Variants in GOLM2 observed in about 807,000 individuals in gnomAD.
GOLM2 encodes protein GOLM2.
GOLM2 carries 26 observed loss-of-function variants against 55.9 expected under a neutral mutation model. The ratio of observed to expected loss-of-function variants is 0.47; its 90% CI spans 0.34 to 0.65. The LOEUF (loss-of-function observed/expected upper bound fraction) is 0.65. Among genes scored for constraint, GOLM2 ranks in the 30% least tolerant of loss-of-function variants. The pLI is 0.01. For synonymous variants in GOLM2, 165 were observed against 194.6 expected, an observed-to-expected ratio of 0.85 and a Z score of 1.27; for missense variants, 486 against 531.8, an observed-to-expected ratio of 0.91 and a Z score of 0.85.
rs572186482 is a variant in GOLM2 at position 44,358,062 on chromosome 15, T to C, written c.802+19745T>C. Among the ~76,000 whole-genome samples, 4 of 152,252 alleles carry C rather than the reference T, an allele frequency of 2.6e-5. No individual in the cohort carries two copies. In the South Asian group the frequency reaches 6.2e-4, roughly 24 times the overall value. ...TGACAAACTGATTCCAAAGTTTATATAGAGAGGCATGCCAGGCACCATGGC... is the reference window on the plus strand; with the variant it reads ...TGACAAACTGATTCCAAAGTTTATACAGAGAGGCATGCCAGGCACCATGGC... On this transcript the variant is annotated intron_variant, in intron 6 of 9. Transcript: ENST00000299957.
At chr15:44,379,207 C>T (rs1450788463) in intron 6 of GOLM2, among the ~76,000 whole-genome samples, 2 of 152,042 alleles carry the variant, frequency 1.3e-5, no homozygotes, top group South Asian at 4.1e-4. Flanking sequence ...CCGGGCGCGG[C>T]GGCTCACACC....
chr15:44,361,967 G>A (rs2079243529), intron 6 of GOLM2, among the ~76,000 whole-genome samples: 1 of 152,194 alleles, frequency 6.6e-6, no homozygotes, highest in African/African-American at 2.4e-5. Context: ...GATAGATGCA[G>A]AAAAGGCCTT....
At chr15:44,374,878 A>T (rs1039549797) in intron 6 of GOLM2, among the ~76,000 whole-genome samples, 4 of 152,174 alleles carry the variant, frequency 2.6e-5, no homozygotes, top group African/African-American at 9.7e-5. Flanking sequence ...GCTAAACCAT[A>T]TCAGCAGCCT....
intron 2 of GOLM2, among the ~76,000 whole-genome samples, chr15:44,328,477 C>CAAAT (rs1323072029): frequency 6.6e-6 from 1 of 151,924 alleles, no homozygotes; most frequent in Non-Finnish European, 1.5e-5. Flanking sequence ...GACCCTATCT[C>CAAAT]AAATAAATAA....
chr15:44,334,598 A>AT (rs1357381548), intron 4 of GOLM2, among the ~76,000 whole-genome samples: 1 of 152,230 alleles, frequency 6.6e-6, no homozygotes, highest in Non-Finnish European at 1.5e-5. Flanking sequence ...ACTTGGGAAA[A>AT]TTATAAGAAA....
At chr15:44,330,153 A>G (rs1175337793) in intron 3 of GOLM2, among the ~76,000 whole-genome samples, 5 of 121,456 alleles carry the variant, frequency 4.1e-5, no homozygotes, top group Non-Finnish European at 5.0e-5. Flanking sequence ...CTCGTGATCC[A>G]CCCGCCTCGG....
rs1262927309 is a variant in GOLM2 at position 44,413,882 on chromosome 15, C to T, written c.*476C>T. ...CTGGAGTGCAATGGCACAATCTTGGCTCACTGCAACCTCCGCCTCCTGGGT... is the reference window on the plus strand; with the variant it reads ...CTGGAGTGCAATGGCACAATCTTGGTTCACTGCAACCTCCGCCTCCTGGGT... On this transcript the variant is annotated 3_prime_UTR_variant, in exon 10 of 10. Coordinates refer to ENST00000299957, the MANE Select transcript of GOLM2 (RefSeq NM_138423.4). 6.6e-6 allele frequency: 1 copy of T among 150,868 alleles called. No individual in the cohort carries two copies. The highest frequency in any genetic ancestry group is 1.5e-5 in the Non-Finnish European group (1 of 68,052). The allele number at this position is 150,868 out of a possible 1,614,324, so 9.3% of individuals were successfully genotyped here. A position where few individuals can be genotyped will look rare whatever the true frequency, so the allele number is the denominator to read the frequency against.
intron 1 of GOLM2, among the ~76,000 whole-genome samples, chr15:44,300,736 T>C (rs1171178514): frequency 6.6e-6 from 1 of 152,246 alleles, no homozygotes; most frequent in East Asian, 1.9e-4. Context: ...GTTCCCCATG[T>C]TAGCCTCTTC....
intron 6 of GOLM2, among the ~76,000 whole-genome samples, chr15:44,369,576 C>A (rs2079315391): frequency 6.6e-6 from 1 of 151,728 alleles, no homozygotes. Context: ...GTAATCCCAG[C>A]ACTTTGGAAG....
intron 1 of GOLM2, among the ~76,000 whole-genome samples, chr15:44,313,459 T>C (rs1302613457): frequency 1.3e-5 from 2 of 152,238 alleles, no homozygotes; most frequent in Non-Finnish European, 2.9e-5. Context: ...GTATTCATTA[T>C]TAAATGTTAT....
At chr15:44,333,936 C>T (rs538843912) in intron 4 of GOLM2, among the ~76,000 whole-genome samples, 5 of 152,110 alleles carry the variant, frequency 3.3e-5, no homozygotes, top group South Asian at 4.1e-4. Flanking sequence ...AGGATGGTCT[C>T]GATCTCCCGA....
intron 9 of GOLM2, chr15:44,405,519 A>C (rs2079591512): frequency 6.6e-6 from 1 of 152,156 alleles, no homozygotes; most frequent in Admixed American, 6.6e-5. Context: ...ATAATTGTTA[A>C]CATGTTTCCA....
chr15:44,298,430 AT>A lies in GOLM2; in HGVS notation c.327+9091del, dbSNP rs1233048546. On this transcript the variant is annotated intron_variant, in intron 1 of 9. Coordinates refer to ENST00000299957, the MANE Select transcript of GOLM2 (RefSeq NM_138423.4). ...AGGCACCCACCACCATGGCCGGCTA[AT>A]TTTTTTTTTTTTTTTTGTATTTTTA... is the stretch of plus-strand genomic sequence containing the variant. Among the ~76,000 whole-genome samples the A allele has an allele frequency of 5.9e-3, 784 of 133,154 alleles. 2 individuals carry two copies. Among genetic ancestry groups the A allele is most frequent in the South Asian group, 0.024 (98 of 4,170 alleles). The allele number at this position is 133,154 out of a possible 152,430, so 87.4% of individuals were successfully genotyped here. A position where few individuals can be genotyped will look rare whatever the true frequency, so the allele number is the denominator to read the frequency against.
chr15:44,358,296 G>T (rs934570774), intron 6 of GOLM2, among the ~76,000 whole-genome samples: 1 of 152,224 alleles, frequency 6.6e-6, no homozygotes, highest in Non-Finnish European at 1.5e-5. Context: ...GGAGGTTGCA[G>T]TGAGCCAAGA....
At chr15:44,306,024 A>C (rs2078834520) in intron 1 of GOLM2, among the ~76,000 whole-genome samples, 1 of 152,214 alleles carries the variant, frequency 6.6e-6, no homozygotes, top group Admixed American at 6.5e-5. Flanking sequence ...GATTTTAGGA[A>C]TGGTAAGTGA....
intron 6 of GOLM2, among the ~76,000 whole-genome samples, chr15:44,353,187 T>TA (rs953617669): frequency 1.2e-4 from 18 of 152,174 alleles, no homozygotes; most frequent in African/African-American, 3.6e-4. Context: ...TATAATGAGA[T>TA]ATGACTTTAG....
chr15:44,311,902 G>A (rs950965332), intron 1 of GOLM2, among the ~76,000 whole-genome samples: 6 of 151,976 alleles, frequency 3.9e-5, no homozygotes, highest in African/African-American at 7.3e-5. Flanking sequence ...CACCTGCCTC[G>A]GTCTCCCAAA....
intron 8 of GOLM2, among the ~76,000 whole-genome samples, chr15:44,388,352 A>G (rs1013631111): frequency 6.6e-6 from 1 of 151,238 alleles, no homozygotes; most frequent in Admixed American, 6.6e-5. Flanking sequence ...CTATTTAGTT[A>G]TAAGAAAAAT....
chr15:44,291,342 G>T (rs1005242602), intron 1 of GOLM2, among the ~76,000 whole-genome samples: 1 of 152,032 alleles, frequency 6.6e-6, no homozygotes, highest in Admixed American at 6.6e-5. Context: ...GGTGTCCCCT[G>T]TTCTCAGTAA....
Sources: gnomAD v4.1 joint callset for allele counts (sites outside exome capture counted in the v4.1 genomes callset) on GRCh38, gnomAD v4.1.1 for gene constraint, MANE v1.5 for transcripts, NCBI Gene and HGNC (gene_info 2026-07-23, HGNC 2026-07-21) for gene names.